NRXN3: variants seen among roughly 807,000 people sequenced by gnomAD.
NRXN3 encodes the protein neurexin III.
Under a neutral mutation model 137.6 loss-of-function variants are expected in NRXN3, and 32 were observed. The observed-to-expected ratio is 0.23, with a 90% CI of 0.18 to 0.31. The LOEUF (loss-of-function observed/expected upper bound fraction) is 0.31. Ranked by LOEUF, NRXN3 falls within the 10% of genes least tolerant of loss-of-function variation. The pLI is 1.00. For synonymous variants in NRXN3, 798 were observed against 784.5 expected (o/e 1.02, Z -0.29); for missense variants, 1,574 against 2,062.5 (o/e 0.76, Z 4.59).
chr14:78,850,077 G>A (rs1249283605), intron 10 of NRXN3, among the ~76,000 whole-genome samples: 9 of 152,084 alleles, frequency 5.9e-5, no homozygotes, highest in African/African-American at 1.7e-4. Flanking sequence ...ACAATGCACG[G>A]CAGGTTATGT....
rs374325571 is a variant in NRXN3, at chr14:78,813,895, CTA to C, written c.2275+3553_2275+3554del. Among the ~76,000 whole-genome samples, 4 of 152,290 alleles carry C rather than the reference CTA, an allele frequency of 2.6e-5. No individual in the cohort carries two copies. The South Asian group carries it at 8.3e-4, about 32-fold the overall frequency. ...CACTTCCTGGCCCTTTTGTCAGAGACTATGGCCCAGTTCCATGCCAAGTATTT... is the reference window on the plus strand; with the variant it reads ...CACTTCCTGGCCCTTTTGTCAGAGACTGGCCCAGTTCCATGCCAAGTATTT... On this transcript the variant is annotated intron_variant, in intron 10 of 20. Coordinates refer to ENST00000335750, the MANE Select transcript of NRXN3 (RefSeq NM_001330195.2).
At chr14:79,792,054 T>C (rs1200979943) in intron 19 of NRXN3, among the ~76,000 whole-genome samples, 1 of 152,186 alleles carries the variant, frequency 6.6e-6, no homozygotes, top group East Asian at 1.9e-4. Flanking sequence ...AGACCTGAGA[T>C]GAGAAGGGTT....
intron 15 of NRXN3, among the ~76,000 whole-genome samples, chr14:79,082,313 G>A (rs945817011): frequency 1.3e-5 from 2 of 151,620 alleles, no homozygotes; most frequent in African/African-American, 4.8e-5. Context: ...TAAAGGAAAG[G>A]CACTGGCTTC....
intron 15 of NRXN3, among the ~76,000 whole-genome samples, chr14:79,324,154 G>A (rs567611671): frequency 6.6e-6 from 1 of 152,328 alleles, no homozygotes; most frequent in South Asian, 2.1e-4. Flanking sequence ...AATTTGGCCA[G>A]GGATTGTGTT....
At chr14:78,726,988 G>T (rs959307609) in intron 8 of NRXN3, among the ~76,000 whole-genome samples, 1 of 138,488 alleles carries the variant, frequency 7.2e-6, no homozygotes, top group African/African-American at 2.5e-5. Flanking sequence ...ACCTTCACTA[G>T]GTGCTTATCA....
At chr14:78,660,277 T>TA in intron 6 of NRXN3, among the ~76,000 whole-genome samples, 1 of 126,846 alleles carries the variant, frequency 7.9e-6, no homozygotes. Context: ...ATATATATAT[T>TA]TGGCAACTGG....
intron 4 of NRXN3, among the ~76,000 whole-genome samples, chr14:78,305,319 G>A (rs1331479632): frequency 6.6e-6 from 1 of 151,966 alleles, no homozygotes; most frequent in African/African-American, 2.4e-5. Context: ...GGCAGCAGGG[G>A]GATTTAGTTT....
In NRXN3 at chr14:78,548,574, A is replaced by G. The variant is rs115274680; in HGVS notation, c.758-96546A>G. Among the ~76,000 whole-genome samples the G allele has an allele frequency of 9.6e-3, 1,459 of 152,252 alleles. 24 individuals are homozygous for G. Among genetic ancestry groups the G allele is most frequent in the African/African-American group, 0.033 (1,374 of 41,540 alleles). ...CTAGCTTTTAAGAGGATAAATCTAA[A>G]TTCTTTGCCTGCTTCTTCTAGAATC... On this transcript the variant is annotated intron_variant, in intron 4 of 20. Transcript: ENST00000335750.
chr14:79,370,528 G>C (rs2094067415), intron 15 of NRXN3, among the ~76,000 whole-genome samples: 1 of 151,772 alleles, frequency 6.6e-6, no homozygotes, highest in African/African-American at 2.4e-5. Flanking sequence ...ATGTCGGTCA[G>C]GCTGGTCTCG....
At chr14:79,278,036 G>A (rs1242562219) in intron 15 of NRXN3, among the ~76,000 whole-genome samples, 2 of 152,086 alleles carry the variant, frequency 1.3e-5, no homozygotes, top group African/African-American at 2.4e-5. Context: ...ACACCTCCTT[G>A]GGGTGTCTCA....
chr14:79,706,888 C>T (rs1325033800), intron 19 of NRXN3, among the ~76,000 whole-genome samples: 4 of 152,124 alleles, frequency 2.6e-5, no homozygotes, highest in Admixed American at 1.3e-4. Context: ...CAGAGCTTGG[C>T]GCCTTTGCAG....
chr14:78,773,070 A>G (rs1454797254), intron 8 of NRXN3, among the ~76,000 whole-genome samples: 3 of 152,168 alleles, frequency 2.0e-5, no homozygotes, highest in African/African-American at 7.2e-5. Flanking sequence ...GGCCTGTGAA[A>G]TACTCTAAAA....
chr14:79,413,566 A>G (rs1275465528), intron 15 of NRXN3, among the ~76,000 whole-genome samples: 3 of 152,024 alleles, frequency 2.0e-5, no homozygotes, highest in Non-Finnish European at 4.4e-5. Flanking sequence ...AGACCAGATT[A>G]TGCACTGCTA....
intron 15 of NRXN3, among the ~76,000 whole-genome samples, chr14:79,266,851 T>A (rs2078530551): frequency 6.6e-6 from 1 of 152,216 alleles, no homozygotes; most frequent in South Asian, 2.1e-4. Flanking sequence ...GAATTATGGA[T>A]CATCAACTAA....
At position 78,968,285 on chromosome 14, in the gene NRXN3, C is replaced by A. The variant is rs1434392131; in HGVS notation, c.3081C>A (p.Arg1027=). 1 of 1,613,938 alleles carries A rather than the reference C, an allele frequency of 6.2e-7. No homozygotes were observed. The highest frequency in any genetic ancestry group is 8.5e-7 in the Non-Finnish European group (1 of 1,179,986). ...TAGCATCAGTGGACTTGAATGGACG[C>A]CTGCCAGACCTCATCAATGATGCTC... ...GCLASVDLNG[R]LPDLINDALH... is the part of the protein sequence containing the mutation. The change falls in exon 14 of 21, where the codon CGC becomes CGA. Residue 1027 remains arginine (R), a synonymous_variant. Transcript: ENST00000335750.
intron 4 of NRXN3, among the ~76,000 whole-genome samples, chr14:78,314,848 G>A (rs1227331601): frequency 1.3e-5 from 2 of 151,512 alleles, no homozygotes; most frequent in Non-Finnish European, 2.9e-5. Flanking sequence ...TTACACACAT[G>A]TATGTGTATT....
intron 7 of NRXN3, among the ~76,000 whole-genome samples, chr14:78,714,158 G>A (rs757279771): frequency 2.2e-4 from 34 of 152,186 alleles, no homozygotes; most frequent in Non-Finnish European, 4.4e-4. Flanking sequence ...GGTAGTGAAT[G>A]CCCAATCTAG....
intron 4 of NRXN3, among the ~76,000 whole-genome samples, chr14:78,319,517 A>C (rs1257412012): frequency 6.6e-6 from 1 of 152,148 alleles, no homozygotes; most frequent in Non-Finnish European, 1.5e-5. Flanking sequence ...GCCCATTGTA[A>C]GTTGCTTGTA....
Position 78,444,117 on chromosome 14 carries a change from C to G in NRXN3, c.757+146257C>G, listed in dbSNP as rs536334536. Among the ~76,000 whole-genome samples the G allele has an allele frequency of 5.4e-4, 82 of 152,304 alleles. 1 individual carries two copies. The South Asian group carries it at 0.017, about 31-fold the overall frequency. On this transcript the variant is annotated intron_variant, in intron 4 of 20. Coordinates refer to ENST00000335750, the MANE Select transcript of NRXN3 (RefSeq NM_001330195.2). ...GGGCTTAAATAGAAGTAAAGGCACT[C>G]ATTTTCCCACTTTAGTGGGAAGGGA... is the stretch of plus-strand genomic sequence containing the variant.
Sources: gnomAD v4.1 joint callset for allele counts (sites outside exome capture counted in the v4.1 genomes callset) on GRCh38, gnomAD v4.1.1 for gene constraint, MANE v1.5 for transcripts, NCBI Gene and HGNC (gene_info 2026-07-23, HGNC 2026-07-21) for gene names.